ADAMTS19: variants seen among roughly 807,000 people sequenced by gnomAD.
ADAMTS19 encodes the protein A disintegrin and metalloproteinase with thrombospondin motifs 19.
A neutral mutation model predicts 153.3 loss-of-function variants in ADAMTS19; 93 were observed. The observed-to-expected ratio is 0.61, with a 90% CI of 0.51 to 0.72. The LOEUF (loss-of-function observed/expected upper bound fraction) is 0.72, where lower values mean the gene tolerates loss of function less well. ADAMTS19 is among the 30% of genes least tolerant of loss of function. ADAMTS19 has a pLI of 0.00. For synonymous variants in ADAMTS19, 600 were observed against 556.6 expected, an observed-to-expected ratio of 1.08 and a Z score of -1.10; for missense variants, 1,482 against 1,552.1, an observed-to-expected ratio of 0.95 and a Z score of 0.76.
intron 7 of ADAMTS19, among the ~76,000 whole-genome samples, chr5:129,568,706 C>G (rs1396722808): frequency 6.6e-6 from 1 of 152,030 alleles, no homozygotes; most frequent in Non-Finnish European, 1.5e-5. Context: ...CTGGTAATCT[C>G]AACTACTCAG....
At chr5:129,648,268 C>G (rs184480699) in intron 12 of ADAMTS19, among the ~76,000 whole-genome samples, 1 of 152,156 alleles carries the variant, frequency 6.6e-6, no homozygotes, top group Non-Finnish European at 1.5e-5. Flanking sequence ...CTAAGACTAA[C>G]GAAAAACAGA....
At chr5:129,537,809 G>C (rs1346379149) in intron 6 of ADAMTS19, among the ~76,000 whole-genome samples, 4 of 152,012 alleles carry the variant, frequency 2.6e-5, no homozygotes, top group African/African-American at 4.8e-5. Context: ...ATAGCATTAG[G>C]AGATATACCT....
At chr5:129,686,261 T>C (rs1298984001) in intron 18 of ADAMTS19, among the ~76,000 whole-genome samples, 2 of 152,054 alleles carry the variant, frequency 1.3e-5, no homozygotes, top group African/African-American at 4.8e-5. Flanking sequence ...TGAGGTTGTA[T>C]GCAAGAGGCT....
intron 2 of ADAMTS19, among the ~76,000 whole-genome samples, chr5:129,465,304 A>ATGT (rs1274642463): frequency 5.1e-5 from 7 of 136,422 alleles, no homozygotes; most frequent in African/African-American, 2.3e-4. Flanking sequence ...AGTTAACACA[A>ATGT]TGTTTTTTTT....
intron 21 of ADAMTS19, among the ~76,000 whole-genome samples, chr5:129,726,003 G>A (rs969472907): frequency 2.6e-5 from 4 of 152,112 alleles, no homozygotes; most frequent in Admixed American, 6.6e-5. Flanking sequence ...TTATTTTTTG[G>A]TGGGGAAAAG....
intron 7 of ADAMTS19, among the ~76,000 whole-genome samples, chr5:129,592,929 A>T (rs1341024838): frequency 6.6e-6 from 1 of 152,166 alleles, no homozygotes; most frequent in Non-Finnish European, 1.5e-5. Flanking sequence ...GTATGCACTC[A>T]TCGTTTTTGA....
chr5:129,538,014 G>C (rs147349859), intron 6 of ADAMTS19, among the ~76,000 whole-genome samples: 1,552 of 152,132 alleles, frequency 0.01, 22 homozygotes, highest in African/African-American at 0.034. Context: ...CATGGATGGA[G>C]AGGGGACTTA....
At chr5:129,614,037 A>G (rs1362234022) in intron 8 of ADAMTS19, among the ~76,000 whole-genome samples, 4 of 152,134 alleles carry the variant, frequency 2.6e-5, no homozygotes, top group African/African-American at 4.8e-5. Flanking sequence ...AATTGAAGCA[A>G]TAATTAATAG....
chr5:129,556,405 T>C (rs1753312976), intron 7 of ADAMTS19, among the ~76,000 whole-genome samples: 1 of 152,198 alleles, frequency 6.6e-6, no homozygotes. Flanking sequence ...GTATATTTCA[T>C]TGTGCAAGTG....
intron 2 of ADAMTS19, among the ~76,000 whole-genome samples, chr5:129,475,445 G>A (rs973218271): frequency 7.2e-5 from 11 of 151,944 alleles, no homozygotes; most frequent in South Asian, 2.1e-4. Context: ...ATTTATCTTC[G>A]TGTCAATACC....
At chr5:129,588,645 A>T (rs1378272272) in intron 7 of ADAMTS19, among the ~76,000 whole-genome samples, 2 of 151,776 alleles carry the variant, frequency 1.3e-5, no homozygotes, top group African/African-American at 4.8e-5. Flanking sequence ...TTATAATTAT[A>T]TAATTATTCC....
rs187028606 is a variant in ADAMTS19 at position 129,480,500 on chromosome 5, T to C, written c.747+18743T>C. ...AGAAAATATTTGCAAAAGATATATC[T>C]GATAAAGCATTTGTTACCAGAATAT... On this transcript the variant is annotated intron_variant, in intron 2 of 22. Coordinates refer to ENST00000274487, the MANE Select transcript of ADAMTS19 (RefSeq NM_133638.6). Among the ~76,000 whole-genome samples the C allele has an allele frequency of 1.1e-3, 171 of 152,262 alleles. 1 individual carries two copies. The highest frequency in any genetic ancestry group is 4.0e-3 in the African/African-American group (166 of 41,572).
intron 8 of ADAMTS19, among the ~76,000 whole-genome samples, chr5:129,604,370 C>A (rs1027228530): frequency 1.3e-5 from 2 of 152,140 alleles, no homozygotes; most frequent in Non-Finnish European, 2.9e-5. Context: ...TATACCCCCT[C>A]AATAGTCATG....
chr5:129,701,058 G>A lies in ADAMTS19; in HGVS notation c.2955-330G>A, dbSNP rs1755819377. ...CATGTCATGAGAGGGACCGGTAGGA[G>A]GTAATTGAATCATGGGGGTGGGTCT... is the stretch of plus-strand genomic sequence containing the variant. On this transcript the variant is annotated intron_variant, in intron 19 of 22. Transcript: ENST00000274487. 4.6e-5 allele frequency among the ~76,000 whole-genome samples: 7 copies of A among 151,816 alleles called. 1 individual carries two copies. In the South Asian group the frequency reaches 1.5e-3, roughly 32 times the overall value.
intron 15 of ADAMTS19, 60 bp from the exon 16 acceptor site, chr5:129,665,439 T>C: frequency 2.2e-6 from 3 of 1,388,766 alleles, no homozygotes; most frequent in Non-Finnish European, 3.0e-6. Flanking sequence ...GGCAAGTCAA[T>C]GAAGAAAAGA....
chr5:129,638,671 T>A (rs1049841517), intron 10 of ADAMTS19, among the ~76,000 whole-genome samples: 1 of 152,146 alleles, frequency 6.6e-6, no homozygotes, highest in Non-Finnish European at 1.5e-5. Flanking sequence ...TTATTTTATA[T>A]CTGAATTTCC....
chr5:129,620,776 T>C lies in ADAMTS19; in HGVS notation c.1619+18T>C. On this transcript the variant is annotated intron_variant, in intron 9 of 22. Coordinates refer to ENST00000274487, the MANE Select transcript of ADAMTS19 (RefSeq NM_133638.6). ...TTTCTCAGGTATGGAGGTCACTTAT[T>C]GTTTTTGCCTTGTGAATGATTATGT... The C allele has an allele frequency of 6.2e-7, 1 of 1,609,440 alleles. No individual in the cohort carries two copies. Among genetic ancestry groups the C allele is most frequent in the Non-Finnish European group, 8.5e-7 (1 of 1,177,422 alleles).
intron 3 of ADAMTS19, among the ~76,000 whole-genome samples, chr5:129,515,643 A>T (rs1018964612): frequency 6.6e-6 from 1 of 152,006 alleles, no homozygotes; most frequent in African/African-American, 2.4e-5. Context: ...TTGATTTTGT[A>T]TTCTGCAACT....
In ADAMTS19 at chr5:129,461,670, G is replaced by A. The variant is rs1054220711; in HGVS notation, c.660G>A (p.Ala220=). ...TGAASAPQPP[A]PPDAGCFYTG... is the part of the protein sequence containing the mutation. ...CAGCATCCGCCCCGCAACCTCCCGC[G>A]CCACCAGACGCAGGCTGCTTCTACA... The change falls in exon 2 of 23, where the codon GCG becomes GCA. Residue 220 remains alanine (A), a synonymous_variant. Coordinates refer to ENST00000274487, the MANE Select transcript of ADAMTS19 (RefSeq NM_133638.6). This position sits in a 1 kb window ranked among gnomAD's most constrained non-coding sequence, Gnocchi z 4.6. 1.9e-6 allele frequency: 3 copies of A among 1,581,426 alleles called. No homozygotes were observed. The highest frequency in any genetic ancestry group is 2.6e-6 in the Non-Finnish European group (3 of 1,169,856).
Sources: gnomAD v4.1 joint callset for allele counts (sites outside exome capture counted in the v4.1 genomes callset) on GRCh38, gnomAD v4.1.1 for gene constraint, Gnocchi (gnomAD v3.1) non-coding constraint, MANE v1.5 for transcripts, NCBI Gene and HGNC (gene_info 2026-07-23, HGNC 2026-07-21) for gene names.